TTC28: variants seen among roughly 807,000 people sequenced by gnomAD.
TTC28 encodes tetratricopeptide repeat domain 28, also known as tetratricopeptide repeat protein 28.
TTC28 carries 61 observed loss-of-function variants against 198.0 expected under a neutral mutation model. The observed-to-expected ratio is 0.31, with a 90% confidence interval of 0.25 to 0.38. The LOEUF (loss-of-function observed/expected upper bound fraction) is 0.38, where lower values mean the gene tolerates loss of function less well. TTC28 is among the 10% of genes least tolerant of loss of function. The pLI is 1.00. For missense variants in TTC28, 2,678 were observed against 3,164.0 expected (o/e 0.85, Z 3.69); for synonymous variants, 1,171 against 1,297.8 (o/e 0.90, Z 2.10).
At chr22:28,679,376 T>G (rs1485817602) in intron 1 of TTC28, among the ~76,000 whole-genome samples, 1 of 152,004 alleles carries the variant, frequency 6.6e-6, no homozygotes, top group Non-Finnish European at 1.5e-5. Flanking sequence ...CACCCCGGTG[T>G]GCGCAGGCCA....
chr22:28,507,632 G>GA (rs1225164073), intron 2 of TTC28, among the ~76,000 whole-genome samples: 2 of 152,162 alleles, frequency 1.3e-5, no homozygotes, highest in Non-Finnish European at 2.9e-5. Flanking sequence ...CAAAATGAAA[G>GA]AAAAAATGTT....
chr22:28,179,565 C>A (rs1397686454), intron 5 of TTC28, among the ~76,000 whole-genome samples: 1 of 152,162 alleles, frequency 6.6e-6, no homozygotes, highest in Admixed American at 6.5e-5. Flanking sequence ...AGCTATGTGA[C>A]CTGCTGTGGC....
intron 2 of TTC28, among the ~76,000 whole-genome samples, chr22:28,518,573 A>G (rs2048837933): frequency 6.6e-6 from 1 of 152,214 alleles, no homozygotes; most frequent in African/African-American, 2.4e-5. Flanking sequence ...TCACCACTGC[A>G]CTACAGCCTA....
chr22:28,384,218 C>CT (rs569243428), intron 2 of TTC28, among the ~76,000 whole-genome samples: 56 of 151,696 alleles, frequency 3.7e-4, no homozygotes, highest in East Asian at 7.7e-4. Flanking sequence ...CTTCATCACT[C>CT]TTTTTTTTTA....
intron 2 of TTC28, among the ~76,000 whole-genome samples, chr22:28,607,030 T>C (rs1056481690): frequency 6.6e-6 from 1 of 152,136 alleles, no homozygotes; most frequent in Non-Finnish European, 1.5e-5. Flanking sequence ...AAGACCCTCC[T>C]TAAACCTGAT....
intron 2 of TTC28, among the ~76,000 whole-genome samples, chr22:28,373,455 T>C (rs893689873): frequency 1.3e-5 from 2 of 152,182 alleles, no homozygotes; most frequent in African/African-American, 4.8e-5. Context: ...GCAGAATTCA[T>C]CTATTGGAGA....
intron 5 of TTC28, among the ~76,000 whole-genome samples, chr22:28,289,643 C>A (rs1022835911): frequency 3.9e-5 from 6 of 152,108 alleles, no homozygotes; most frequent in South Asian, 4.2e-4. Context: ...GGCCACCGTG[C>A]ACTATGATCA....
intron 1 of TTC28, among the ~76,000 whole-genome samples, chr22:28,640,509 T>C (rs2051347365): frequency 6.6e-6 from 1 of 151,670 alleles, no homozygotes; most frequent in South Asian, 2.1e-4. Context: ...AGACTTTCAT[T>C]CAACTCCAAG....
chr22:28,103,093 T>A (rs1017692662), intron 8 of TTC28, among the ~76,000 whole-genome samples: 4 of 152,190 alleles, frequency 2.6e-5, no homozygotes, highest in Admixed American at 2.6e-4. Context: ...ATCCTCAGCA[T>A]GTAGGACTCT....
chr22:28,124,551 G>A (rs943302943), intron 6 of TTC28, among the ~76,000 whole-genome samples: 1 of 152,218 alleles, frequency 6.6e-6, no homozygotes, highest in African/African-American at 2.4e-5. Context: ...AGTCAGAGAT[G>A]CTACAGAACT....
chr22:28,548,479 C>A (rs2049590420), intron 2 of TTC28, among the ~76,000 whole-genome samples: 1 of 152,148 alleles, frequency 6.6e-6, no homozygotes, highest in East Asian at 1.9e-4. Flanking sequence ...CACCACAAAT[C>A]ATCAGTTATA....
intron 12 of TTC28, among the ~76,000 whole-genome samples, chr22:28,069,264 A>G (rs953201373): frequency 1.3e-5 from 2 of 152,180 alleles, no homozygotes; most frequent in African/African-American, 4.8e-5. Flanking sequence ...TCCATCATTT[A>G]ATTAAACATG....
intron 6 of TTC28, among the ~76,000 whole-genome samples, chr22:28,114,064 G>A (rs1601332150): frequency 1.3e-5 from 2 of 152,324 alleles, no homozygotes; most frequent in East Asian, 3.9e-4. Context: ...AACATGTAGA[G>A]ACTGAAAACT....
chr22:28,600,862 C>T (rs183043537), intron 2 of TTC28, among the ~76,000 whole-genome samples: 52 of 152,278 alleles, frequency 3.4e-4, no homozygotes, highest in South Asian at 1.2e-3. Context: ...GTACTTAAGG[C>T]CAATTGTACT....
intron 5 of TTC28, among the ~76,000 whole-genome samples, chr22:28,194,165 C>T (rs1197732908): frequency 2.0e-5 from 3 of 152,186 alleles, no homozygotes; most frequent in African/African-American, 4.8e-5. Flanking sequence ...AACTGAACAA[C>T]GTACTCCTCA....
chr22:28,317,397 T>C (rs1462599452), intron 2 of TTC28, among the ~76,000 whole-genome samples: 1 of 152,216 alleles, frequency 6.6e-6, no homozygotes, highest in Non-Finnish European at 1.5e-5. Context: ...AGAACGTAGT[T>C]ATTGTTTTGT....
chr22:28,599,666 G>A (rs181347694), intron 2 of TTC28, among the ~76,000 whole-genome samples: 2 of 152,048 alleles, frequency 1.3e-5, no homozygotes, highest in Non-Finnish European at 1.5e-5. Context: ...TAGTCCATGA[G>A]GGGTCCAAAT....
At chr22:28,616,928 G>T (rs553163311) in intron 2 of TTC28, among the ~76,000 whole-genome samples, 2 of 151,764 alleles carry the variant, frequency 1.3e-5, no homozygotes, top group African/African-American at 2.4e-5. Flanking sequence ...AGAAAGAGGA[G>T]GTATTTTATC....
chr22:28,118,533 C>G (rs1942701973), intron 6 of TTC28, among the ~76,000 whole-genome samples: 1 of 152,136 alleles, frequency 6.6e-6, no homozygotes, highest in African/African-American at 2.4e-5. Flanking sequence ...TTTAGATACA[C>G]AAATATTTAT....
Sources: allele counts gnomAD v4.1 joint callset (sites outside exome capture counted in the v4.1 genomes callset), GRCh38; gene constraint gnomAD v4.1.1; transcripts MANE v1.5; gene names NCBI Gene and HGNC (gene_info 2026-07-23, HGNC 2026-07-21).